TSHZ1: variants seen among roughly 807,000 people sequenced by gnomAD.
TSHZ1 encodes teashirt homolog 1.
A neutral mutation model predicts 67.1 loss-of-function variants in TSHZ1; 12 were observed. The ratio of observed to expected loss-of-function variants is 0.18; its 90% CI spans 0.11 to 0.29. The LOEUF is 0.29. Among genes scored for constraint, TSHZ1 ranks in the 10% least tolerant of loss-of-function variants. TSHZ1 has a pLI of 1.00. For synonymous variants in TSHZ1, 632 were observed against 622.4 expected (o/e 1.02, Z -0.23); for missense variants, 1,305 against 1,413.9 (o/e 0.92, Z 1.23).
rs1186582823 is a variant in TSHZ1 at position 75,211,772 on chromosome 18, A to C, written c.-105A>C. ...GCCCGGAGCCCGCGGGGACGAGGCC[A>C]AAGTTGGGCGCGCCGCGGAGTTGCG... On this transcript the variant is annotated 5_prime_UTR_variant, in exon 1 of 2. Transcript: ENST00000580243. The C allele has an allele frequency of 4.1e-6, 3 of 732,772 alleles. No homozygotes were observed. Among genetic ancestry groups the C allele is most frequent in the Non-Finnish European group, 5.0e-6 (3 of 599,616 alleles). The allele number at this position is 732,772 out of a possible 1,614,324, so 45.4% of individuals were successfully genotyped here.
chr18:75,218,931 T>G (rs1365006045), intron 1 of TSHZ1, among the ~76,000 whole-genome samples: 1 of 152,210 alleles, frequency 6.6e-6, no homozygotes, highest in Admixed American at 6.5e-5. Context: ...TATATTTTTT[T>G]TTTACTCAAA....
intron 1 of TSHZ1, among the ~76,000 whole-genome samples, chr18:75,256,234 T>C (rs112180591): frequency 0.023 from 3,474 of 152,346 alleles, 110 homozygotes; most frequent in African/African-American, 0.073. Context: ...ATCATTACTT[T>C]ATAAATTAGG....
intron 1 of TSHZ1, among the ~76,000 whole-genome samples, chr18:75,219,985 A>G (rs1270404943): frequency 3.3e-5 from 5 of 152,224 alleles, no homozygotes; most frequent in African/African-American, 1.2e-4. Context: ...TATGCACCCC[A>G]CACTGAAATA....
chr18:75,244,726 A>G (rs1383461941), intron 1 of TSHZ1: 1 of 152,210 alleles, frequency 6.6e-6, no homozygotes, highest in Non-Finnish European at 1.5e-5. Context: ...GGCTCAGTGC[A>G]GCGTTGAGCT....
At position 75,258,779 on chromosome 18, in the gene TSHZ1, C is replaced by T. The variant is rs187569435; in HGVS notation, c.41-26669C>T. 5.0e-3 allele frequency among the ~76,000 whole-genome samples: 766 copies of T among 152,188 alleles called. 9 individuals carry two copies. Among genetic ancestry groups the T allele is most frequent in the African/African-American group, 0.018 (746 of 41,510 alleles). ...TCCTAGAGTAGCCATCCAGGACTGC[C>T]CTCCTCACTCGAGCTCACAGTGAAG... On this transcript the variant is annotated intron_variant, in intron 1 of 1. Coordinates refer to ENST00000580243, the MANE Select transcript of TSHZ1 (RefSeq NM_001308210.2).
chr18:75,288,830 C>G lies in TSHZ1; in HGVS notation c.*189C>G. On this transcript the variant is annotated 3_prime_UTR_variant, in exon 2 of 2. Coordinates refer to ENST00000580243, the MANE Select transcript of TSHZ1 (RefSeq NM_001308210.2). The surrounding 1 kb of genome is among the most constrained non-coding windows in gnomAD (Gnocchi z 4.9). ...ATCTGTGCATGTTATTTTTCTTTTT[C>G]CGTGAGTCAAAGTCTGACCTTTATT... 1 of 973,874 alleles carries G rather than the reference C, an allele frequency of 1.0e-6. No homozygotes were observed. The allele number at this position is 973,874 out of a possible 1,614,324, so 60.3% of individuals were successfully genotyped here.
chr18:75,240,433 T>C (rs1216401898), intron 1 of TSHZ1, among the ~76,000 whole-genome samples: 4 of 151,990 alleles, frequency 2.6e-5, no homozygotes, highest in Non-Finnish European at 5.9e-5. Context: ...TTGTGAAGTG[T>C]AGAATTTCTG....
At chr18:75,234,011 A>G (rs1195923789) in intron 1 of TSHZ1, among the ~76,000 whole-genome samples, 2 of 152,138 alleles carry the variant, frequency 1.3e-5, no homozygotes, top group Non-Finnish European at 2.9e-5. Flanking sequence ...TTTGAAATGG[A>G]GGGCCACACT....
intron 1 of TSHZ1, chr18:75,280,778 G>A: frequency 1.0e-6 from 1 of 985,464 alleles, no homozygotes; most frequent in Non-Finnish European, 1.2e-6. Context: ...TGTGAGCTGA[G>A]TGAAAGAAGT....
At chr18:75,251,016 T>C (rs1340727389) in intron 1 of TSHZ1, among the ~76,000 whole-genome samples, 3 of 152,222 alleles carry the variant, frequency 2.0e-5, no homozygotes, top group Non-Finnish European at 4.4e-5. Context: ...AGGAGTTATT[T>C]AGACCACACT....
At chr18:75,246,403 G>GGTGTGTGTGTGTGTGTGTGTGTGTGT (rs74178999) in intron 1 of TSHZ1, among the ~76,000 whole-genome samples, 3,076 of 108,320 alleles carry the variant, frequency 0.028, 217 homozygotes, top group East Asian at 0.042. Context: ...TTTGGTTTCT[G>GGTGTGTGTGTGTGTGTGTGTGTGTGT]GTGTGTGTGT....
intron 1 of TSHZ1, among the ~76,000 whole-genome samples, chr18:75,212,252 G>A (rs1347180778): frequency 6.6e-6 from 1 of 152,186 alleles, no homozygotes; most frequent in Non-Finnish European, 1.5e-5. Context: ...TTGCTCCTTG[G>A]CTGCCGGAGC....
chr18:75,223,704 T>C (rs1349576286), intron 1 of TSHZ1, among the ~76,000 whole-genome samples: 1 of 151,756 alleles, frequency 6.6e-6, no homozygotes, highest in Non-Finnish European at 1.5e-5. Context: ...TCACTCGAGT[T>C]TGTAGTTTGC....
intron 1 of TSHZ1, among the ~76,000 whole-genome samples, chr18:75,226,261 C>T (rs990053076): frequency 6.6e-6 from 1 of 152,204 alleles, no homozygotes; most frequent in African/African-American, 2.4e-5. Context: ...TCTGTGTCTG[C>T]AAAGGATTGG....
intron 1 of TSHZ1, among the ~76,000 whole-genome samples, chr18:75,227,637 G>T (rs2022943360): frequency 6.6e-6 from 1 of 152,200 alleles, no homozygotes; most frequent in African/African-American, 2.4e-5. Context: ...AAAAGTTATT[G>T]TTTCTCTCAT....
chr18:75,235,336 G>T (rs2023053874), intron 1 of TSHZ1, among the ~76,000 whole-genome samples: 1 of 152,124 alleles, frequency 6.6e-6, no homozygotes, highest in South Asian at 2.1e-4. Flanking sequence ...ATGCCATTGG[G>T]TAAAGAACCC....
At chr18:75,267,910 T>C (rs1434653376) in intron 1 of TSHZ1, among the ~76,000 whole-genome samples, 1 of 152,182 alleles carries the variant, frequency 6.6e-6, no homozygotes, top group Non-Finnish European at 1.5e-5. Flanking sequence ...AAGGTCAGAA[T>C]TTCCCCTCCC....
chr18:75,238,274 T>C (rs2023106335), intron 1 of TSHZ1, among the ~76,000 whole-genome samples: 1 of 152,178 alleles, frequency 6.6e-6, no homozygotes, highest in African/African-American at 2.4e-5. Context: ...CTCATTTCTC[T>C]GGACACCCTC....
In TSHZ1 at chr18:75,234,831, G is replaced by A. The variant is rs549861773; in HGVS notation, c.40+22915G>A. Among the ~76,000 whole-genome samples the A allele has an allele frequency of 7.2e-5, 11 of 152,248 alleles. No individual in the cohort carries two copies. In the East Asian group the frequency reaches 1.9e-3, roughly 27 times the overall value. On this transcript the variant is annotated intron_variant, in intron 1 of 1. Transcript: ENST00000580243. Reference sequence around the variant, plus strand: ...CCCATTTGCTGTTCATAAAACACTCGAGGGAGGAATTGTTTCTGTGATATT... The same window carrying A: ...CCCATTTGCTGTTCATAAAACACTCAAGGGAGGAATTGTTTCTGTGATATT...
Sources: gnomAD v4.1 joint callset for allele counts (sites outside exome capture counted in the v4.1 genomes callset) on GRCh38, gnomAD v4.1.1 for gene constraint, Gnocchi (gnomAD v3.1) non-coding constraint, MANE v1.5 for transcripts, NCBI Gene and HGNC (gene_info 2026-07-23, HGNC 2026-07-21) for gene names.